AGBL4: variants seen among roughly 807,000 people sequenced by gnomAD.
AGBL4 encodes cytosolic carboxypeptidase 6.
A neutral mutation model predicts 66.4 loss-of-function variants in AGBL4; 58 were observed. The ratio of observed to expected loss-of-function variants is 0.87; its 90% CI spans 0.71 to 1.09. The LOEUF (loss-of-function observed/expected upper bound fraction) is 1.09. AGBL4 is among the 50% of genes least tolerant of loss of function. The pLI, the probability that AGBL4 is intolerant of heterozygous loss-of-function variation, is 0.00. For synonymous variants in AGBL4, 234 were observed against 222.9 expected (o/e 1.05, Z -0.44); for missense variants, 579 against 631.0 (o/e 0.92, Z 0.88).
chr1:48,684,524 G>T (rs1387025160), intron 6 of AGBL4, among the ~76,000 whole-genome samples: 2 of 152,120 alleles, frequency 1.3e-5, no homozygotes, highest in Non-Finnish European at 2.9e-5. Flanking sequence ...GTAGTATGAG[G>T]ATCAATTAGA....
At chr1:49,537,906 G>A (rs1271306271) in intron 3 of AGBL4, among the ~76,000 whole-genome samples, 2 of 150,946 alleles carry the variant, frequency 1.3e-5, no homozygotes, top group Admixed American at 6.6e-5. Flanking sequence ...CAGCCTGGGC[G>A]AGAGAGTGAG....
chr1:49,827,775 G>A (rs966254881), intron 2 of AGBL4, among the ~76,000 whole-genome samples: 2 of 152,158 alleles, frequency 1.3e-5, no homozygotes, highest in African/African-American at 4.8e-5. Context: ...CCTGGCATGA[G>A]CATCATACAA....
At chr1:48,620,364 C>A (rs1645391784) in intron 9 of AGBL4, among the ~76,000 whole-genome samples, 1 of 152,102 alleles carries the variant, frequency 6.6e-6, no homozygotes, top group African/African-American at 2.4e-5. Context: ...TCAAACAATC[C>A]CCACTGAGCT....
At chr1:48,614,480 A>C (rs545688435) in intron 9 of AGBL4, among the ~76,000 whole-genome samples, 104 of 152,362 alleles carry the variant, frequency 6.8e-4, no homozygotes, top group African/African-American at 2.4e-3. Flanking sequence ...TCATAGGAAT[A>C]CATCAAAGTG....
chr1:48,962,244 T>C (rs1052980762), intron 5 of AGBL4, among the ~76,000 whole-genome samples: 4 of 152,218 alleles, frequency 2.6e-5, no homozygotes, highest in Non-Finnish European at 5.9e-5. Flanking sequence ...ACATTACTTC[T>C]TTTAACTTAA....
intron 6 of AGBL4, among the ~76,000 whole-genome samples, chr1:48,724,814 A>G (rs11205529): frequency 0.41 from 62,091 of 152,102 alleles, 14,554 homozygotes; most frequent in Middle Eastern, 0.58. Flanking sequence ...AAGGAAATAA[A>G]GCCAAGCCCC....
intron 3 of AGBL4, among the ~76,000 whole-genome samples, chr1:49,398,857 C>A (rs1645026418): frequency 6.6e-6 from 1 of 152,114 alleles, no homozygotes; most frequent in African/African-American, 2.4e-5. Flanking sequence ...TCCAATTGTA[C>A]TCTTTTAGTT....
At chr1:49,258,110 G>C (rs893691300) in intron 3 of AGBL4, among the ~76,000 whole-genome samples, 1 of 152,154 alleles carries the variant, frequency 6.6e-6, no homozygotes, top group South Asian at 2.1e-4. Context: ...CTGTTGAAAG[G>C]AAAACTAACA....
At chr1:48,618,142 G>A (rs1645350180) in intron 9 of AGBL4, among the ~76,000 whole-genome samples, 1 of 152,224 alleles carries the variant, frequency 6.6e-6, no homozygotes, top group Non-Finnish European at 1.5e-5. Flanking sequence ...GCTGAGATGG[G>A]AAGATCGCTT....
chr1:48,758,844 T>C, intron 6 of AGBL4: 2 of 1,402,554 alleles, frequency 1.4e-6, no homozygotes, highest in South Asian at 1.5e-5. Flanking sequence ...TGGAAGAGGA[T>C]CTGCATGAAG....
Position 49,049,700 on chromosome 1 carries a change from G to T in AGBL4, c.378-3900C>A, listed in dbSNP as rs557667274. ...AACATTCAGCTGAAGAGAAAGTAGA[G>T]AGGGCTGCCTTACAGAGAAAATACA... On this transcript the variant is annotated intron_variant, in intron 4 of 13. Coordinates refer to ENST00000371839, the MANE Select transcript of AGBL4 (RefSeq NM_032785.4). Among the ~76,000 whole-genome samples, 7 of 152,174 alleles carry T rather than the reference G, an allele frequency of 4.6e-5. No individual in the cohort carries two copies. The East Asian group carries it at 1.4e-3, about 29-fold the overall frequency.
At chr1:49,536,509 T>C (rs1315377886) in intron 3 of AGBL4, among the ~76,000 whole-genome samples, 1 of 152,036 alleles carries the variant, frequency 6.6e-6, no homozygotes, top group African/African-American at 2.4e-5. Flanking sequence ...GTCAATCCTA[T>C]CAAAGAAAAT....
chr1:48,961,464 G>A lies in AGBL4; in HGVS notation c.594+84120C>T, dbSNP rs114884631. On this transcript the variant is annotated intron_variant, in intron 5 of 13. Coordinates refer to ENST00000371839, the MANE Select transcript of AGBL4 (RefSeq NM_032785.4). ...CAAGAAGTAGAAATGCAGAAAGACC[G>A]TTACACTCCCTGAGAGAGAGTAAAG... Among the ~76,000 whole-genome samples the A allele has an allele frequency of 8.5e-3, 1,296 of 152,300 alleles. 5 individuals are homozygous for A. Among genetic ancestry groups the A allele is most frequent in the Non-Finnish European group, 0.015 (999 of 68,030 alleles).
At chr1:48,707,552 C>T (rs2148513702) in intron 6 of AGBL4, among the ~76,000 whole-genome samples, 1 of 152,272 alleles carries the variant, frequency 6.6e-6, no homozygotes, top group East Asian at 1.9e-4. Flanking sequence ...CATCCCAGTG[C>T]TCTGTCAAAA....
intron 3 of AGBL4, among the ~76,000 whole-genome samples, chr1:49,407,244 T>C (rs1296507119): frequency 6.6e-6 from 1 of 152,144 alleles, no homozygotes; most frequent in African/African-American, 2.4e-5. Context: ...TCCAATCAAG[T>C]TAAAGGCCTG....
chr1:49,281,849 T>G (rs1644279537), intron 3 of AGBL4, among the ~76,000 whole-genome samples: 1 of 152,230 alleles, frequency 6.6e-6, no homozygotes, highest in Non-Finnish European at 1.5e-5. Context: ...TTTCTATATC[T>G]TGCCCCATAT....
intron 4 of AGBL4, among the ~76,000 whole-genome samples, chr1:49,102,031 T>TAGAG (rs10674266): frequency 6.9e-5 from 10 of 145,824 alleles, no homozygotes; most frequent in African/African-American, 2.3e-4. Flanking sequence ...GGGAGAGAGA[T>TAGAG]AGAGAGAGAG....
At chr1:48,738,849 A>C (rs565626880) in intron 6 of AGBL4, among the ~76,000 whole-genome samples, 2 of 152,152 alleles carry the variant, frequency 1.3e-5, no homozygotes, top group Admixed American at 6.5e-5. Flanking sequence ...GGTATTGTAC[A>C]TTCAATTTAT....
Position 49,472,881 on chromosome 1 carries a change from G to A in AGBL4, c.282+224432C>T, listed in dbSNP as rs149718188. 8.6e-5 allele frequency among the ~76,000 whole-genome samples: 13 copies of A among 151,926 alleles called. 1 individual carries two copies. The highest frequency in any genetic ancestry group is 1.2e-4 in the African/African-American group (5 of 41,478). On this transcript the variant is annotated intron_variant, in intron 3 of 13. Transcript: ENST00000371839. ...TCCCATCTTTGTGTCCATGTGTACC[G>A]TATGTTTTACTCCCATTTATAAGTG... is the stretch of plus-strand genomic sequence containing the variant.
Sources: gnomAD v4.1 joint callset for allele counts (sites outside exome capture counted in the v4.1 genomes callset) on GRCh38, gnomAD v4.1.1 for gene constraint, MANE v1.5 for transcripts, NCBI Gene and HGNC (gene_info 2026-07-23, HGNC 2026-07-21) for gene names.